TNPO1: variants seen among roughly 807,000 people sequenced by gnomAD.
The protein encoded by TNPO1 is transportin 1.
Under a neutral mutation model 119.5 loss-of-function variants are expected in TNPO1, and 8 were observed. The ratio of observed to expected loss-of-function variants is 0.07; its 90% confidence interval spans 0.04 to 0.12. TNPO1 has a LOEUF of 0.12. Ranked by LOEUF, TNPO1 falls within the 10% of genes least tolerant of loss-of-function variation. The probability of loss-of-function intolerance (pLI) is 1.00; values close to 1 mark genes in which losing one functional copy is unlikely to be tolerated. For synonymous variants in TNPO1, 362 were observed against 363.0 expected, an observed-to-expected ratio of 1.00 and a Z score of 0.03; for missense variants, 576 against 1,089.8, an observed-to-expected ratio of 0.53 and a Z score of 6.64.
In TNPO1 at chr5:72,877,290, G is replaced by T; in HGVS notation, c.864G>T (p.Trp288Cys). The change falls in exon 9 of 25, where the codon TGG becomes TGT. Residue 288 changes from tryptophan (W) to cysteine (C), a missense_variant. By Grantham distance (215) the Trp-to-Cys change is radical. Transcript: ENST00000337273. ...TGGCTTTAGAAGCCTGTGAATTTTG[G>T]CTAACTTTAGCTGAACAGCCAATAT... ...ENVALEACEF[W>C]LTLAEQPICK... 6.2e-7 allele frequency: 1 copy of T among 1,612,842 alleles called. No homozygotes were observed. Among genetic ancestry groups the T allele is most frequent in the Non-Finnish European group, 8.5e-7 (1 of 1,179,342 alleles).
intron 5 of TNPO1, chr5:72,862,445 C>G (rs1209382719): frequency 1.9e-5 from 3 of 154,420 alleles, no homozygotes; most frequent in Non-Finnish European, 2.9e-5. Flanking sequence ...ACGTCAGCCT[C>G]CCAAAGTAGT....
At chr5:72,882,892 C>G (rs920538513) in intron 10 of TNPO1, among the ~76,000 whole-genome samples, 172 bp from the exon 11 acceptor site, 6 of 152,130 alleles carry the variant, frequency 3.9e-5, no homozygotes, top group African/African-American at 1.4e-4. Flanking sequence ...AGTCTATTCG[C>G]CCCTCCATAA....
intron 20 of TNPO1, among the ~76,000 whole-genome samples, chr5:72,899,152 A>G (rs1232936228): frequency 6.6e-6 from 1 of 152,188 alleles, no homozygotes; most frequent in Non-Finnish European, 1.5e-5. Context: ...ATAATGTATT[A>G]TCTATTTTGT....
At chr5:72,878,912 T>C (rs1748024715) in intron 9 of TNPO1, 5 of 513,012 alleles carry the variant, frequency 9.7e-6, no homozygotes, top group Admixed American at 4.1e-5. Context: ...TTGTGTCCAA[T>C]GGTCTCAGCA....
At chr5:72,886,251 A>G (rs1405603505) in intron 11 of TNPO1, among the ~76,000 whole-genome samples, 1 of 152,174 alleles carries the variant, frequency 6.6e-6, no homozygotes, top group Admixed American at 6.5e-5. Flanking sequence ...ATTCTTTGTA[A>G]AGAGTATTTT....
intron 22 of TNPO1, among the ~76,000 whole-genome samples, chr5:72,902,638 G>C (rs1299900201): frequency 1.3e-5 from 2 of 151,544 alleles, no homozygotes; most frequent in African/African-American, 4.8e-5. Flanking sequence ...CTTTGTTTTT[G>C]AATTAATGTT....
intron 13 of TNPO1, 47 bp downstream of exon 13, chr5:72,888,350 T>TA: frequency 6.6e-7 from 1 of 1,526,492 alleles, no homozygotes; most frequent in Admixed American, 1.7e-5. Flanking sequence ...GTGAAAAACT[T>TA]AATTTTCAAC....
Position 72,891,785 on chromosome 5 carries a change from A to G in TNPO1, c.1702-25A>G, listed in dbSNP as rs370187717. 1.4e-5 allele frequency: 21 copies of G among 1,512,584 alleles called. No homozygotes were observed. The East Asian group carries it at 1.8e-4, about 13-fold the overall frequency. The allele number at this position is 1,512,584 out of a possible 1,614,324, so 93.7% of individuals were successfully genotyped here. A position where few individuals can be genotyped will look rare whatever the true frequency, so the allele number is the denominator to read the frequency against. ...TGTTGACATGTGATAGTGGAATTTT[A>G]TATGTTTTTCATCATTGTAAATAGG... On this transcript the variant is annotated intron_variant, in intron 14 of 24. Transcript: ENST00000337273.
chr5:72,886,946 A>G, intron 11 of TNPO1, 124 bp from the exon 12 acceptor site: 1 of 814,474 alleles, frequency 1.2e-6, no homozygotes. Flanking sequence ...ACTACCTCCT[A>G]TTCAATTGAA....
intron 1 of TNPO1, among the ~76,000 whole-genome samples, chr5:72,820,947 A>G (rs1206365924): frequency 1.3e-5 from 2 of 152,166 alleles, no homozygotes; most frequent in Non-Finnish European, 2.9e-5. Flanking sequence ...TGTGGGTGCA[A>G]TTCTTAATGA....
chr5:72,903,452 A>C (rs866385314), intron 22 of TNPO1, among the ~76,000 whole-genome samples: 2 of 152,186 alleles, frequency 1.3e-5, no homozygotes, highest in Non-Finnish European at 2.9e-5. Flanking sequence ...TTTATTGCAC[A>C]GGGGGTTATT....
intron 9 of TNPO1, among the ~76,000 whole-genome samples, chr5:72,882,005 A>G (rs1748278403): frequency 6.6e-6 from 1 of 152,146 alleles, no homozygotes; most frequent in Non-Finnish European, 1.5e-5. Flanking sequence ...TCATTATCTT[A>G]ACATTCTGAT....
intron 1 of TNPO1, among the ~76,000 whole-genome samples, chr5:72,832,959 A>G (rs1327375973): frequency 1.3e-5 from 2 of 152,192 alleles, no homozygotes; most frequent in African/African-American, 4.8e-5. Flanking sequence ...GTCAGCTCTC[A>G]GATTTACATT....
intron 6 of TNPO1, among the ~76,000 whole-genome samples, chr5:72,870,557 T>C (rs1747312623): frequency 6.6e-6 from 1 of 152,252 alleles, no homozygotes; most frequent in Admixed American, 6.5e-5. Context: ...CTTGGTCTTA[T>C]GATACTATTG....
chr5:72,856,051 T>C, intron 4 of TNPO1, 128 bp downstream of exon 4: 1 of 933,988 alleles, frequency 1.1e-6, no homozygotes, highest in Non-Finnish European at 1.6e-6. Flanking sequence ...TTTCATTGCC[T>C]TTAAATGCTT....
At chr5:72,822,345 C>T (rs1225226728) in intron 1 of TNPO1, among the ~76,000 whole-genome samples, 2 of 150,254 alleles carry the variant, frequency 1.3e-5, no homozygotes, top group Non-Finnish European at 3.0e-5. Context: ...TCTCATTATA[C>T]TGGCCAAAGA....
In TNPO1 at chr5:72,897,149, C is replaced by T; in HGVS notation, c.2336C>T (p.Thr779Ile). ...ACACCAAAGACGTTGTTAGAGAATACAGGTACCATATGACTGAACTGTTTC... is the reference window on the plus strand; with the variant it reads ...ACACCAAAGACGTTGTTAGAGAATATAGGTACCATATGACTGAACTGTTTC... Reference protein sequence around the residue: ...PNTPKTLLENTAITIGRLGYV... With the variant: ...PNTPKTLLENIAITIGRLGYV... The change falls in exon 20 of 25, where the codon ACA (threonine) becomes ATA (isoleucine). Residue 779 changes from threonine (T) to isoleucine (I), a missense_variant and splice_region_variant. Transcript: ENST00000337273. The T allele has an allele frequency of 6.2e-7, 1 of 1,602,414 alleles. No homozygotes were observed. The highest frequency in any genetic ancestry group is 1.3e-5 in the African/African-American group (1 of 74,458).
intron 5 of TNPO1, 85 bp from the exon 6 acceptor site, chr5:72,865,511 A>G (rs1746814116): frequency 2.8e-6 from 4 of 1,436,808 alleles, no homozygotes; most frequent in South Asian, 1.2e-5. Flanking sequence ...ACATTAGTCC[A>G]TACAAATTAA....
At chr5:72,834,963 A>G (rs1208345595) in intron 1 of TNPO1, among the ~76,000 whole-genome samples, 1 of 151,950 alleles carries the variant, frequency 6.6e-6, no homozygotes, top group Admixed American at 6.5e-5. Context: ...ATACACAAGT[A>G]CTTACCATTG....
Sources: allele counts gnomAD v4.1 joint callset (sites outside exome capture counted in the v4.1 genomes callset), GRCh38; gene constraint gnomAD v4.1.1; transcripts MANE v1.5; gene names NCBI Gene and HGNC (gene_info 2026-07-23, HGNC 2026-07-21).